Variants in COL4A1 observed in about 807,000 individuals in gnomAD.
COL4A1 encodes the protein collagen alpha-1(IV) chain.
Under a neutral mutation model 216.6 loss-of-function variants are expected in COL4A1, and 40 were observed. The ratio of observed to expected loss-of-function variants is 0.18; its 90% CI spans 0.14 to 0.24. The LOEUF is 0.24. Among genes scored for constraint, COL4A1 ranks in the 10% least tolerant of loss-of-function variants. The probability of loss-of-function intolerance (pLI) is 1.00; values close to 1 mark genes in which losing one functional copy is unlikely to be tolerated. For missense variants in COL4A1, 1,628 were observed against 2,196.8 expected, an observed-to-expected ratio of 0.74 and a Z score of 5.18; for synonymous variants, 839 against 810.7, an observed-to-expected ratio of 1.03 and a Z score of -0.59.
chr13:110,197,958 C>A (rs538597615), intron 21 of COL4A1, among the ~76,000 whole-genome samples: 1 of 152,264 alleles, frequency 6.6e-6, no homozygotes, highest in South Asian at 2.1e-4. Flanking sequence ...ACCACACGGC[C>A]ATCTTAATTG....
intron 2 of COL4A1, among the ~76,000 whole-genome samples, chr13:110,231,149 C>T (rs72654162): frequency 0.091 from 13,810 of 152,298 alleles, 748 homozygotes; most frequent in African/African-American, 0.16. Flanking sequence ...CAAGATCCAC[C>T]GAGGTGCCTC....
chr13:110,159,800 A>G (rs530338683), intron 49 of COL4A1, among the ~76,000 whole-genome samples: 2 of 152,356 alleles, frequency 1.3e-5, no homozygotes, highest in African/African-American at 2.4e-5. Flanking sequence ...ATCACATGCT[A>G]TAATATAGAT....
chr13:110,150,501 A>G (rs1045664687), intron 51 of COL4A1, 57 bp from the exon 52 acceptor site: 1 of 1,537,654 alleles, frequency 6.5e-7, no homozygotes, highest in African/African-American at 1.4e-5. Context: ...CGTCAGAAAC[A>G]TGGCACTCCT....
rs1227582648 is a variant in COL4A1 at position 110,211,510 on chromosome 13, T to C, written c.468+137A>G. On this transcript the variant is annotated intron_variant, in intron 8 of 51. Coordinates refer to ENST00000375820, the MANE Select transcript of COL4A1 (RefSeq NM_001845.6). The surrounding 1 kb of genome is among the most constrained non-coding windows in gnomAD (Gnocchi z 4.3). ...GTGGGTTACTTGTACAGTCTTTTCA[T>C]GTAACAGAGTTTAGGGAAGTGTGTT... 3 of 740,910 alleles carry C rather than the reference T, an allele frequency of 4.0e-6. No homozygotes were observed. The highest frequency in any genetic ancestry group is 2.2e-5 in the South Asian group (1 of 46,454). The allele number at this position is 740,910 out of a possible 1,614,324, so 45.9% of individuals were successfully genotyped here.
At chr13:110,220,197 T>G (rs1880407873) in intron 2 of COL4A1, among the ~76,000 whole-genome samples, 1 of 152,052 alleles carries the variant, frequency 6.6e-6, no homozygotes, top group Non-Finnish European at 1.5e-5. Flanking sequence ...CTTGTCCTCC[T>G]AAAGTGCTGG....
chr13:110,167,150 T>TGTC lies in COL4A1; in HGVS notation c.3949+5_3949+7dup, dbSNP rs760611658. 1 of 1,612,086 alleles carries TGTC rather than the reference T, an allele frequency of 6.2e-7. No individual in the cohort carries two copies. The highest frequency in any genetic ancestry group is 1.1e-5 in the South Asian group (1 of 91,060). Reference sequence around the variant, plus strand: ...AAAGGCTGTGCAGCAAGGTCTGTGCTGTCTTACCTTGAAATCCTGGAACTC... The same window carrying TGTC: ...AAAGGCTGTGCAGCAAGGTCTGTGCTGTCGTCTTACCTTGAAATCCTGGAACTC... On this transcript the variant is annotated splice_region_variant and intron_variant, in intron 44 of 51. Coordinates refer to ENST00000375820, the MANE Select transcript of COL4A1 (RefSeq NM_001845.6).
chr13:110,161,470 T>A (rs562110223), intron 48 of COL4A1, 101 bp from the exon 49 acceptor site: 1 of 1,292,924 alleles, frequency 7.7e-7, no homozygotes, highest in South Asian at 1.3e-5. Context: ...AAACATATAA[T>A]CAACATAATC....
chr13:110,197,081 T>G, intron 21 of COL4A1, among the ~76,000 whole-genome samples: 1 of 152,322 alleles, frequency 6.6e-6, no homozygotes, highest in Non-Finnish European at 1.5e-5. Flanking sequence ...GACGTGTGTT[T>G]ATATTTCATC....
At chr13:110,292,074 C>A (rs373333692) in intron 1 of COL4A1, among the ~76,000 whole-genome samples, 11 of 152,178 alleles carry the variant, frequency 7.2e-5, no homozygotes, top group Middle Eastern at 3.2e-3. Context: ...ACCGATTTTC[C>A]CACCACCCTC....
chr13:110,212,840 C>T (rs1274406562), intron 4 of COL4A1, among the ~76,000 whole-genome samples: 2 of 152,148 alleles, frequency 1.3e-5, no homozygotes, highest in African/African-American at 2.4e-5. Flanking sequence ...TACTGCCATT[C>T]GCCACTGCAA....
rs182687475 is a variant in COL4A1, at chr13:110,197,972, C to G, written c.1285+495G>C. 1.8e-4 allele frequency among the ~76,000 whole-genome samples: 27 copies of G among 152,246 alleles called. No homozygotes were observed. The South Asian group carries it at 3.5e-3, about 20-fold the overall frequency. On this transcript the variant is annotated intron_variant, in intron 21 of 51. Transcript: ENST00000375820. ...GACCACACGGCCATCTTAATTGAGT[C>G]AAGACTTCCATGTTACATGTTCACC... is the stretch of plus-strand genomic sequence containing the variant.
intron 2 of COL4A1, among the ~76,000 whole-genome samples, chr13:110,238,585 G>A (rs1300128063): frequency 6.6e-6 from 1 of 152,150 alleles, no homozygotes; most frequent in Non-Finnish European, 1.5e-5. Flanking sequence ...AAAGACTTTT[G>A]TATTTGTTTT....
Position 110,219,826 on chromosome 13 carries a change from A to G in COL4A1, c.145-5811T>C, listed in dbSNP as rs118197292. Reference sequence around the variant, plus strand: ...TATATATGTGTATATATGTATATATATGTATGTATGTATATATGTGTATAT... The same window carrying G: ...TATATATGTGTATATATGTATATATGTGTATGTATGTATATATGTGTATAT... On this transcript the variant is annotated intron_variant, in intron 2 of 51. Transcript: ENST00000375820. Among the ~76,000 whole-genome samples the G allele has an allele frequency of 4.6e-3, 387 of 84,934 alleles. 2 individuals carry two copies. The highest frequency in any genetic ancestry group is 0.012 in the African/African-American group (250 of 21,694). The allele number at this position is 84,934 out of a possible 152,430, so 55.7% of individuals were successfully genotyped here. A position where few individuals can be genotyped will look rare whatever the true frequency, so the allele number is the denominator to read the frequency against.
intron 1 of COL4A1, among the ~76,000 whole-genome samples, chr13:110,252,501 A>ATATTATATATACGTATAAT (rs1555311807): frequency 1.7e-5 from 1 of 59,774 alleles, no homozygotes; most frequent in Non-Finnish European, 3.7e-5. Context: ...AATTATACGT[A>ATATTATATATACGTATAAT]TATATGTATT....
chr13:110,178,340 C>T, intron 31 of COL4A1, 109 bp from the exon 32 acceptor site: 1 of 1,358,570 alleles, frequency 7.4e-7, no homozygotes, highest in Non-Finnish European at 1.0e-6. Flanking sequence ...GTGAGCACGC[C>T]CACACTGGGA....
chr13:110,266,381 T>C (rs1044973239), intron 1 of COL4A1, among the ~76,000 whole-genome samples: 2 of 152,090 alleles, frequency 1.3e-5, no homozygotes, highest in Non-Finnish European at 2.9e-5. Context: ...TCGCCACGAA[T>C]CCTAGCTCAG....
chr13:110,214,061 C>G (rs775815660), intron 2 of COL4A1, 46 bp from the exon 3 acceptor site: 12 of 1,532,618 alleles, frequency 7.8e-6, no homozygotes, highest in Non-Finnish European at 9.0e-6. Flanking sequence ...CAGTAAAGAA[C>G]AGAGGAAGGA....
chr13:110,192,976 T>C (rs943399687), intron 22 of COL4A1, 63 bp from the exon 23 acceptor site: 2 of 1,458,244 alleles, frequency 1.4e-6, no homozygotes, highest in Non-Finnish European at 1.9e-6. Context: ...CGCAGTGCAC[T>C]GAGAGAACAG....
intron 2 of COL4A1, among the ~76,000 whole-genome samples, chr13:110,238,344 G>A (rs994103552): frequency 3.3e-5 from 5 of 152,206 alleles, no homozygotes; most frequent in Admixed American, 1.3e-4. Flanking sequence ...AGTAGAAACC[G>A]TCAAATCTTT....
Sources: gnomAD v4.1 joint callset for allele counts (sites outside exome capture counted in the v4.1 genomes callset) on GRCh38, gnomAD v4.1.1 for gene constraint, Gnocchi (gnomAD v3.1) non-coding constraint, MANE v1.5 for transcripts, NCBI Gene and HGNC (gene_info 2026-07-23, HGNC 2026-07-21) for gene names.